Variants in NEIL1 observed in about 807,000 individuals in gnomAD.
NEIL1 encodes the protein nei like DNA glycosylase 1, also known as endonuclease 8-like 1.
A neutral mutation model predicts 44.2 loss-of-function variants in NEIL1; 31 were observed. The ratio of observed to expected loss-of-function variants is 0.70; its 90% CI spans 0.53 to 0.95. The LOEUF (loss-of-function observed/expected upper bound fraction) is 0.95, where lower values mean the gene tolerates loss of function less well. NEIL1 is among the 40% of genes least tolerant of loss of function. The pLI is 0.00. For missense variants in NEIL1, 549 were observed against 515.5 expected (o/e 1.07, Z -0.63); for synonymous variants, 254 against 209.7 (o/e 1.21, Z -1.83).
chr15:75,349,174 G>A lies in NEIL1; in HGVS notation c.269G>A (p.Arg90His), dbSNP rs1227052141. The change falls in exon 2 of 10, where the codon CGC (arginine) becomes CAC (histidine). Residue 90 changes from arginine to histidine, a missense_variant. Arg to His is a conservative substitution (Grantham distance 29). Transcript: ENST00000355059. The stretch of plus-strand genomic sequence containing the variant: ...TCCGGCTCTTTTCAGCTGGTGCCCC[G>A]CGAGGAGCTGCCACGCCATGCCCAC... ...GMSGSFQLVP[R>H]EELPRHAHLR... is the part of the protein sequence containing the mutation. 1.2e-6 allele frequency: 2 copies of A among 1,609,010 alleles called. No homozygotes were observed. Among genetic ancestry groups the A allele is most frequent in the Non-Finnish European group, 1.7e-6 (2 of 1,179,894 alleles).
At position 75,355,373 on chromosome 15, in the gene NEIL1, C is replaced by CGT; in HGVS notation, c.*339_*340insGT. On this transcript the variant is annotated 3_prime_UTR_variant, in exon 10 of 10. Transcript: ENST00000355059. Reference sequence around the variant, plus strand: ...CATCCCAGTCCTCAAGGCTCTGACTCTATCAGAGGACAGTTTGCCTCTGCA... The same window carrying CGT: ...CATCCCAGTCCTCAAGGCTCTGACTCGTTATCAGAGGACAGTTTGCCTCTGCA... The CGT allele has an allele frequency of 3.4e-6, 1 of 297,670 alleles. No individual in the cohort carries two copies. The highest frequency in any genetic ancestry group is 6.4e-6 in the Non-Finnish European group (1 of 156,914). 18.4% of individuals were successfully genotyped at this position (297,670 alleles called of 1,614,324 possible).
At position 75,355,446 on chromosome 15, in the gene NEIL1, C is replaced by G. The variant is rs1470758908; in HGVS notation, c.*412C>G. On this transcript the variant is annotated 3_prime_UTR_variant, in exon 10 of 10. Coordinates refer to ENST00000355059, the MANE Select transcript of NEIL1 (RefSeq NM_024608.4). ...ACAAAGACCCTGGCCCCAGGCAGCC[C>G]AGGAGCCAGAGCTCCTCCAGTCCAG... is the stretch of plus-strand genomic sequence containing the variant. The G allele has an allele frequency of 4.4e-6, 1 of 226,668 alleles. No homozygotes were observed. The highest frequency in any genetic ancestry group is 8.7e-6 in the Non-Finnish European group (1 of 115,398). The allele number at this position is 226,668 out of a possible 1,614,324, so 14.0% of individuals were successfully genotyped here. A position where few individuals can be genotyped will look rare whatever the true frequency, so the allele number is the denominator to read the frequency against.
rs893724711 is a variant in NEIL1 at position 75,356,634 on chromosome 15, C to T, written c.*1600C>T. The T allele has an allele frequency of 1.3e-6, 2 of 1,568,144 alleles. No individual in the cohort carries two copies. ...TGTGCGGCATCAGTGCATAGGTGAA[C>T]TCGTGGCGCCCCGTGTCAGCAGTAG... On this transcript the variant is annotated 3_prime_UTR_variant, in exon 10 of 10. Transcript: ENST00000355059. The surrounding 1 kb of genome is among the most constrained non-coding windows in gnomAD (Gnocchi z 5.8).
intron 5 of NEIL1, chr15:75,353,141 TC>T: frequency 7.0e-6 from 1 of 143,254 alleles, no homozygotes; most frequent in Admixed American, 7.0e-5. Flanking sequence ...AAACTCCATC[TC>T]AAAAAAAAAA....
rs962474223 is a variant in NEIL1 at position 75,355,814 on chromosome 15, C to A, written c.*780C>A. The stretch of plus-strand genomic sequence containing the variant: ...GGGTTCCCGATCCAAGGATTTATTC[C>A]ACAAGAAAAGACTGATCCCTGCTTT... On this transcript the variant is annotated 3_prime_UTR_variant, in exon 10 of 10. Transcript: ENST00000355059. 3.4e-5 allele frequency: 51 copies of A among 1,489,166 alleles called. No homozygotes were observed. Among genetic ancestry groups the A allele is most frequent in the Non-Finnish European group, 4.4e-5 (48 of 1,090,188 alleles). The allele number at this position is 1,489,166 out of a possible 1,614,324, so 92.2% of individuals were successfully genotyped here.
chr15:75,352,908 G>A (rs1415055111), intron 5 of NEIL1: 1 of 521,998 alleles, frequency 1.9e-6, no homozygotes, highest in African/African-American at 1.9e-5. Context: ...GGGAGGCCGA[G>A]TGGGGTGGCT....
In NEIL1 at chr15:75,354,510, C is replaced by T. The variant is rs773496316; in HGVS notation, c.936+18C>T. The T allele has an allele frequency of 1.2e-5, 19 of 1,613,886 alleles. No homozygotes were observed. The highest frequency in any genetic ancestry group is 1.4e-5 in the Non-Finnish European group (17 of 1,179,890). On this transcript the variant is annotated intron_variant, in intron 8 of 9. Transcript: ENST00000355059. Reference sequence around the variant, plus strand: ...GAGTGGAGGTATGGCTGCCTGCTCCCGCCTCCTCCCCTGCACTCTGCAGCC... The same window carrying T: ...GAGTGGAGGTATGGCTGCCTGCTCCTGCCTCCTCCCCTGCACTCTGCAGCC...
chr15:75,353,562 C>A lies in NEIL1; in HGVS notation c.719-177C>A, dbSNP rs751366828. On this transcript the variant is annotated intron_variant, in intron 5 of 9. Transcript: ENST00000355059. Reference sequence around the variant, plus strand: ...CTTAATCCCACTCCAGGATGGGAAACCCATGGCCGAGTGGGAAGAAACCAG... The same window carrying A: ...CTTAATCCCACTCCAGGATGGGAAAACCATGGCCGAGTGGGAAGAAACCAG... 3 of 764,674 alleles carry A rather than the reference C, an allele frequency of 3.9e-6. No individual in the cohort carries two copies. In the Admixed American group the frequency reaches 5.2e-5, roughly 13 times the overall value. The allele number at this position is 764,674 out of a possible 1,614,324, so 47.4% of individuals were successfully genotyped here. A position where few individuals can be genotyped will look rare whatever the true frequency, so the allele number is the denominator to read the frequency against.
rs1039056966 is a variant in NEIL1, at chr15:75,355,685, T to C, written c.*651T>C. The stretch of plus-strand genomic sequence containing the variant: ...CCAGACCCTGCACGCACAGGTACCT[T>C]AGGATCTTGCCCCTACCCACCAAAT... On this transcript the variant is annotated 3_prime_UTR_variant, in exon 10 of 10. Transcript: ENST00000355059. 6 of 553,318 alleles carry C rather than the reference T, an allele frequency of 1.1e-5. No individual in the cohort carries two copies. Among genetic ancestry groups the C allele is most frequent in the African/African-American group, 3.8e-5 (2 of 52,518 alleles). 34.3% of individuals were successfully genotyped at this position (553,318 alleles called of 1,614,324 possible).
intron 2 of NEIL1, among the ~76,000 whole-genome samples, chr15:75,351,607 ATGAAT>A (rs1415871647): frequency 6.6e-6 from 1 of 151,578 alleles, no homozygotes; most frequent in African/African-American, 2.4e-5. Flanking sequence ...ACCTTTCACA[ATGAAT>A]TTATTTTTAA....
Position 75,354,996 on chromosome 15 carries a change from A to G in NEIL1, c.1135A>G (p.Ile379Val). 6.2e-7 allele frequency: 1 copy of G among 1,614,072 alleles called. No homozygotes were observed. Among genetic ancestry groups the G allele is most frequent in the Non-Finnish European group, 8.5e-7 (1 of 1,179,976 alleles). The change falls in exon 10 of 10, where the codon ATC becomes GTC. Residue 379 changes from isoleucine to valine, a missense_variant. Transcript: ENST00000355059. ...CAGACCCCGGAAGGTCAAGGCTGAC[A>G]TCCCATCCTTGGAACCAGAGGGGAC... The part of the protein sequence containing the change: ...HCRPRKVKAD[I>V]PSLEPEGTSA...
rs900918862 is a variant in NEIL1, at chr15:75,348,407, T to G, written c.-22-477T>G. The G allele has an allele frequency of 1.9e-4, 192 of 1,003,092 alleles. 1 individual carries two copies. In the Middle Eastern group the frequency reaches 3.1e-3, roughly 16 times the overall value. The allele number at this position is 1,003,092 out of a possible 1,614,324, so 62.1% of individuals were successfully genotyped here. On this transcript the variant is annotated intron_variant, in intron 1 of 9. Coordinates refer to ENST00000355059, the MANE Select transcript of NEIL1 (RefSeq NM_024608.4). ...GCAGGGAGGGGCGGCCACGCGATCC[T>G]AAGACCCTTTCAGATGGTGGGAGAG... is the stretch of plus-strand genomic sequence containing the variant.
intron 5 of NEIL1, chr15:75,353,012 G>T (rs955919285): frequency 3.8e-5 from 11 of 290,922 alleles, no homozygotes; most frequent in African/African-American, 2.4e-4. Context: ...GTGGTGGTGG[G>T]CACCTGTAAT....
chr15:75,347,817 G>A lies in NEIL1; in HGVS notation c.-23+344G>A, dbSNP rs866273677. 7.8e-6 allele frequency: 9 copies of A among 1,147,460 alleles called. 1 individual carries two copies. The Middle Eastern group carries it at 1.3e-3, about 168-fold the overall frequency. 71.1% of individuals were successfully genotyped at this position (1,147,460 alleles called of 1,614,324 possible). The stretch of plus-strand genomic sequence containing the variant: ...TGGGGAGGACGGGCCCGAGAGCGCC[G>A]CTCCTCCCCAAAACTAGGATTTGGA... On this transcript the variant is annotated intron_variant, in intron 1 of 9. Transcript: ENST00000355059.
rs150383464 is a variant in NEIL1 at position 75,356,664 on chromosome 15, C to T, written c.*1630C>T. 4.8e-4 allele frequency: 756 copies of T among 1,585,608 alleles called. 4 individuals carry two copies. The highest frequency in any genetic ancestry group is 2.9e-3 in the South Asian group (257 of 88,060). On this transcript the variant is annotated 3_prime_UTR_variant, in exon 10 of 10. Coordinates refer to ENST00000355059, the MANE Select transcript of NEIL1 (RefSeq NM_024608.4). This position sits in a 1 kb window ranked among gnomAD's most constrained non-coding sequence, Gnocchi z 5.8. ...GGCGCCCCGTGTCAGCAGTAGCGTC[C>T]GGGGCTTTAGGCGCCCGCAAGCTGG...
At position 75,347,178 on chromosome 15, in the gene NEIL1, GTGA is replaced by G. The variant is rs2071519761; in HGVS notation, c.-312_-310del. On this transcript the variant is annotated 5_prime_UTR_variant, in exon 1 of 10. An upstream start codon of the reference 5' UTR is lost. Transcript: ENST00000355059. ...GGCTGCGCTTCTGACAGGGCAGGCC[GTGA>G]TGATGTTTGTTTATGAGTTAGGTCT... The G allele has an allele frequency of 6.6e-6, 1 of 152,420 alleles. No individual in the cohort carries two copies. The highest frequency in any genetic ancestry group is 1.5e-5 in the Non-Finnish European group (1 of 68,152). 9.4% of individuals were successfully genotyped at this position (152,420 alleles called of 1,614,324 possible).
chr15:75,356,854 C>A lies in NEIL1; in HGVS notation c.*1820C>A. On this transcript the variant is annotated 3_prime_UTR_variant, in exon 10 of 10. Transcript: ENST00000355059. The surrounding 1 kb of genome is among the most constrained non-coding windows in gnomAD (Gnocchi z 5.8). ...CCATACTTGCAGTCGTTGAGCAGGGCCAGCCCAAAGCCGTGTTCTGACAGA... is the reference window on the plus strand; with the variant it reads ...CCATACTTGCAGTCGTTGAGCAGGGACAGCCCAAAGCCGTGTTCTGACAGA... 1.2e-6 allele frequency: 2 copies of A among 1,614,160 alleles called. No individual in the cohort carries two copies. The highest frequency in any genetic ancestry group is 1.6e-4 in the Middle Eastern group (1 of 6,062).
chr15:75,351,228 G>A (rs1595858731), intron 2 of NEIL1: 2 of 450,844 alleles, frequency 4.4e-6, no homozygotes, highest in Admixed American at 2.4e-5. Flanking sequence ...ATGTCCTGAG[G>A]AGTCTGAGGT....
chr15:75,353,460 T>C (rs2072091029), intron 5 of NEIL1: 2 of 449,792 alleles, frequency 4.4e-6, no homozygotes, highest in Non-Finnish European at 8.7e-6. Context: ...TCCTGGCCCC[T>C]AGGGATTCTC....
Sources: allele counts gnomAD v4.1 joint callset (sites outside exome capture counted in the v4.1 genomes callset), GRCh38; gene constraint gnomAD v4.1.1; non-coding constraint Gnocchi (gnomAD v3.1); transcripts MANE v1.5; gene names NCBI Gene and HGNC (gene_info 2026-07-23, HGNC 2026-07-21).